The following SCRG1 variants were observed in gnomAD, a reference collection of about 807,000 sequenced individuals.
The protein encoded by SCRG1 is scrapie-responsive protein 1.
SCRG1 carries 3 observed loss-of-function variants against 7.7 expected under a neutral mutation model. That is an observed-to-expected ratio of 0.39 (90% CI 0.18 to 1.01). SCRG1 has a LOEUF of 1.01. Among genes scored for constraint, SCRG1 ranks in the 50% least tolerant of loss-of-function variants. SCRG1 has a pLI of 0.36. For missense variants in SCRG1, 110 were observed against 117.2 expected, an observed-to-expected ratio of 0.94 and a Z score of 0.28; for synonymous variants, 46 against 41.2, an observed-to-expected ratio of 1.12 and a Z score of -0.44.
chr4:173,407,101 C>A (rs575026522), upstream of SCRG1, among the ~76,000 whole-genome samples: 28 of 151,338 alleles, frequency 1.9e-4, no homozygotes, highest in African/African-American at 6.6e-4. Context: ...CCTAGCTGCT[C>A]AGGAGGCTGA....
the SCRG1 span, among the ~76,000 whole-genome samples, chr4:173,459,156 T>C: frequency 6.6e-6 from 1 of 152,178 alleles, no homozygotes; most frequent in South Asian, 2.1e-4. Context: ...TAGACTCCAA[T>C]ACAATAATAG....
the SCRG1 span, among the ~76,000 whole-genome samples, chr4:173,451,179 G>T: frequency 6.6e-6 from 1 of 151,272 alleles, no homozygotes; most frequent in African/African-American, 2.4e-5. Flanking sequence ...TATATCAACA[G>T]CCTCTGATCT....
rs571929441 is a variant in SCRG1, at chr4:173,397,382, C to G, written c.-15+1686G>C. Among the ~76,000 whole-genome samples the G allele has an allele frequency of 4.6e-5, 7 of 151,826 alleles. No homozygotes were observed. In the East Asian group the frequency reaches 1.4e-3, roughly 29 times the overall value. Reference sequence around the variant, plus strand: ...ACTTAAAATCCCTCCTGGAATACACCCAAATTACAAAAGAAAACAAAGTTA... The same window carrying G: ...ACTTAAAATCCCTCCTGGAATACACGCAAATTACAAAAGAAAACAAAGTTA... On this transcript the variant is annotated intron_variant, in intron 1 of 2. Coordinates refer to ENST00000296506, the MANE Select transcript of SCRG1 (RefSeq NM_007281.4).
At chr4:173,406,788 T>C (rs1203044280), upstream of SCRG1, among the ~76,000 whole-genome samples, 10 of 152,256 alleles carry the variant, frequency 6.6e-5, no homozygotes, top group Admixed American at 2.0e-4. Context: ...GATTCATCTA[T>C]GTATTTTCAT....
At chr4:173,513,447 G>A in the SCRG1 span, among the ~76,000 whole-genome samples, 1 of 152,100 alleles carries the variant, frequency 6.6e-6, no homozygotes, top group South Asian at 2.1e-4. Context: ...TTACACCTAG[G>A]TAAAGCCTTG....
the SCRG1 span, among the ~76,000 whole-genome samples, chr4:173,493,299 G>C: frequency 6.6e-6 from 1 of 152,038 alleles, no homozygotes; most frequent in Non-Finnish European, 1.5e-5. Flanking sequence ...CCCCCCTCTT[G>C]CTCTCTCCCT....
the SCRG1 span, among the ~76,000 whole-genome samples, chr4:173,484,671 T>TATAATATATATTATATATTA: frequency 7.4e-5 from 4 of 54,334 alleles, no homozygotes; most frequent in African/African-American, 3.3e-4. Context: ...ATATATAACA[T>TATAATATATATTATATATTA]GATGTATAAT....
At chr4:173,399,227 C>T (rs779885903), upstream of SCRG1, 2 of 152,222 alleles carry the variant, frequency 1.3e-5, no homozygotes, top group African/African-American at 2.4e-5. Context: ...TCGACAGACT[C>T]GCTGCTCCAG....
the SCRG1 span, among the ~76,000 whole-genome samples, chr4:173,490,820 G>A: frequency 6.6e-6 from 1 of 152,070 alleles, no homozygotes; most frequent in Non-Finnish European, 1.5e-5. Flanking sequence ...AGCCTCTATT[G>A]CCCTGGACTA....
chr4:173,444,660 C>G, the SCRG1 span, among the ~76,000 whole-genome samples: 1 of 152,208 alleles, frequency 6.6e-6, no homozygotes, highest in Admixed American at 6.5e-5. Flanking sequence ...GTGACCCAAT[C>G]TTGGTCAAGG....
At chr4:173,478,988 G>A in the SCRG1 span, among the ~76,000 whole-genome samples, 2,680 of 152,262 alleles carry the variant, frequency 0.018, 84 homozygotes, top group African/African-American at 0.06. Context: ...TTCAGTGTGT[G>A]GCACAATTAC....
At chr4:173,488,370 T>C in the SCRG1 span, among the ~76,000 whole-genome samples, 1 of 152,192 alleles carries the variant, frequency 6.6e-6, no homozygotes, top group African/African-American at 2.4e-5. Flanking sequence ...TGGTAGGTGA[T>C]GTTGGACACT....
the SCRG1 span, among the ~76,000 whole-genome samples, chr4:173,516,963 T>C: frequency 2.0e-5 from 3 of 151,696 alleles, no homozygotes; most frequent in Admixed American, 6.6e-5. Flanking sequence ...ACTAAAAAAG[T>C]GGAGAGAAAT....
At chr4:173,396,244 T>G (rs1396134523) in intron 1 of SCRG1, among the ~76,000 whole-genome samples, 1 of 152,170 alleles carries the variant, frequency 6.6e-6, no homozygotes, top group Non-Finnish European at 1.5e-5. Context: ...TGTTAGATAT[T>G]AAAGTGAAGA....
the SCRG1 span, among the ~76,000 whole-genome samples, chr4:173,424,852 C>T: frequency 1.0e-4 from 13 of 125,932 alleles, no homozygotes; most frequent in African/African-American, 3.5e-4. Flanking sequence ...GAGGTTGTGG[C>T]AAGCCGAGAT....
the SCRG1 span, among the ~76,000 whole-genome samples, chr4:173,426,987 G>C: frequency 6.6e-6 from 1 of 152,192 alleles, no homozygotes; most frequent in Non-Finnish European, 1.5e-5. Context: ...TTATATGCAT[G>C]TTTTAGCATT....
chr4:173,388,283 G>A lies in SCRG1; in HGVS notation c.*58C>T, dbSNP rs539293265. On this transcript the variant is annotated 3_prime_UTR_variant, in exon 3 of 3. Coordinates refer to ENST00000296506, the MANE Select transcript of SCRG1 (RefSeq NM_007281.4). Reference sequence around the variant, plus strand: ...TAGAAACTAGAAATGCAGTTATACTGATGTAGTGCAGTTTGTGGGAAATCA... The same window carrying A: ...TAGAAACTAGAAATGCAGTTATACTAATGTAGTGCAGTTTGTGGGAAATCA... The A allele has an allele frequency of 2.0e-5, 24 of 1,180,876 alleles. No individual in the cohort carries two copies. The East Asian group carries it at 3.8e-4, about 19-fold the overall frequency. 73.1% of individuals were successfully genotyped at this position (1,180,876 alleles called of 1,614,324 possible).
chr4:173,459,665 G>A, the SCRG1 span, among the ~76,000 whole-genome samples: 9 of 152,206 alleles, frequency 5.9e-5, no homozygotes, highest in Admixed American at 4.6e-4. Flanking sequence ...AAAGTAAGGA[G>A]ATTTCAAATA....
the SCRG1 span, among the ~76,000 whole-genome samples, chr4:173,453,019 A>G: frequency 6.6e-6 from 1 of 152,240 alleles, no homozygotes; most frequent in African/African-American, 2.4e-5. Context: ...CCTGGGTCAC[A>G]CATAAATGCC....
Sources: allele counts gnomAD v4.1 joint callset (sites outside exome capture counted in the v4.1 genomes callset), GRCh38; gene constraint gnomAD v4.1.1; transcripts MANE v1.5; gene names NCBI Gene and HGNC (gene_info 2026-07-23, HGNC 2026-07-21).